Variants in GPC6 observed in about 807,000 individuals in gnomAD.
The protein encoded by GPC6 is glypican 6, also known as glypican-6.
In GPC6, 14 loss-of-function variants were observed where a neutral mutation model predicts 55.2. That is an observed-to-expected ratio of 0.25 (90% CI 0.17 to 0.40). The LOEUF is 0.40. Among genes scored for constraint, GPC6 ranks in the 10% least tolerant of loss-of-function variants. The pLI is 1.00. For synonymous variants in GPC6, 278 were observed against 259.6 expected (o/e 1.07, Z -0.68); for missense variants, 641 against 708.5 (o/e 0.90, Z 1.08).
intron 4 of GPC6, among the ~76,000 whole-genome samples, chr13:94,160,715 A>G (rs1328148747): frequency 6.6e-6 from 1 of 152,194 alleles, no homozygotes; most frequent in Non-Finnish European, 1.5e-5. Context: ...CTTGGTCTGG[A>G]TCCTACAAGT....
At chr13:93,976,915 C>T (rs973418413) in intron 3 of GPC6, among the ~76,000 whole-genome samples, 3 of 152,054 alleles carry the variant, frequency 2.0e-5, no homozygotes, top group African/African-American at 7.2e-5. Flanking sequence ...AAATCAGAAA[C>T]AGCATAAGAA....
intron 1 of GPC6, among the ~76,000 whole-genome samples, chr13:93,293,293 C>T (rs184154345): frequency 2.0e-5 from 3 of 152,082 alleles, no homozygotes; most frequent in African/African-American, 4.8e-5. Context: ...AAAAAAATAA[C>T]CTCATATAGT....
At chr13:94,129,654 CG>C (rs1214738160) in intron 4 of GPC6, among the ~76,000 whole-genome samples, 2 of 152,062 alleles carry the variant, frequency 1.3e-5, no homozygotes, top group East Asian at 3.9e-4. Flanking sequence ...TCTGGGTCAT[CG>C]TTCTAACTTC....
At chr13:94,255,848 A>G (rs1329418610) in intron 4 of GPC6, among the ~76,000 whole-genome samples, 1 of 152,146 alleles carries the variant, frequency 6.6e-6, no homozygotes, top group African/African-American at 2.4e-5. Flanking sequence ...TCAACTTGTG[A>G]GGCCATTTGG....
intron 6 of GPC6, among the ~76,000 whole-genome samples, chr13:94,375,454 T>C (rs1327958559): frequency 2.0e-5 from 3 of 151,816 alleles, no homozygotes; most frequent in Non-Finnish European, 2.9e-5. Context: ...CTAGAAGAAA[T>C]GGATAAATTC....
At chr13:94,370,582 G>C (rs1410466800) in intron 6 of GPC6, among the ~76,000 whole-genome samples, 3 of 152,138 alleles carry the variant, frequency 2.0e-5, no homozygotes, top group Non-Finnish European at 4.4e-5. Flanking sequence ...AACTTTTTCT[G>C]AACTGTACTA....
intron 2 of GPC6, among the ~76,000 whole-genome samples, chr13:93,661,035 G>C (rs1490442673): frequency 6.6e-6 from 1 of 152,130 alleles, no homozygotes; most frequent in Non-Finnish European, 1.5e-5. Flanking sequence ...CAGCAAGGTA[G>C]CTGAAAAGAT....
chr13:93,958,452 A>G (rs1879612822), intron 3 of GPC6, among the ~76,000 whole-genome samples: 2 of 152,138 alleles, frequency 1.3e-5, no homozygotes, highest in Non-Finnish European at 1.5e-5. Context: ...TTGAGTAGGG[A>G]GTCCTTTTCC....
intron 5 of GPC6, among the ~76,000 whole-genome samples, chr13:94,300,000 A>T (rs1594145251): frequency 6.6e-6 from 1 of 152,308 alleles, no homozygotes; most frequent in East Asian, 1.9e-4. Context: ...CCCTTAAAAC[A>T]TCAAATCTAA....
intron 3 of GPC6, among the ~76,000 whole-genome samples, chr13:93,973,781 A>G (rs146547429): frequency 4.8e-4 from 73 of 152,282 alleles, no homozygotes; most frequent in African/African-American, 1.7e-3. Context: ...CGATTCTCCC[A>G]TCCAAAACTA....
intron 5 of GPC6, among the ~76,000 whole-genome samples, chr13:94,297,789 A>T (rs192279859): frequency 6.6e-6 from 1 of 152,300 alleles, no homozygotes; most frequent in East Asian, 1.9e-4. Context: ...GTTCAGTAGA[A>T]CCCAAAATTC....
intron 3 of GPC6, among the ~76,000 whole-genome samples, chr13:93,939,885 A>G (rs1878644758): frequency 6.6e-6 from 1 of 152,170 alleles, no homozygotes; most frequent in Admixed American, 6.5e-5. Flanking sequence ...GCTTTTTTTC[A>G]GACAGGGAAA....
chr13:93,441,587 A>T (rs934109206), intron 1 of GPC6, among the ~76,000 whole-genome samples: 17 of 151,980 alleles, frequency 1.1e-4, no homozygotes, highest in Non-Finnish European at 2.2e-4. Context: ...TAGATTCTGG[A>T]TATTAGCCCT....
intron 1 of GPC6, among the ~76,000 whole-genome samples, chr13:93,337,528 G>C (rs1880089903): frequency 6.6e-6 from 1 of 151,928 alleles, no homozygotes; most frequent in Non-Finnish European, 1.5e-5. Flanking sequence ...AAAATCAGAG[G>C]CACGAGATAT....
intron 3 of GPC6, among the ~76,000 whole-genome samples, chr13:93,872,425 A>G (rs1889157410): frequency 6.6e-6 from 1 of 152,048 alleles, no homozygotes. Context: ...TACTGCAAAT[A>G]TGGCTTAAAA....
chr13:94,392,477 G>A (rs2389094), intron 7 of GPC6, among the ~76,000 whole-genome samples: 83,762 of 139,728 alleles, frequency 0.6, 25,537 homozygotes, highest in African/African-American at 0.69. Flanking sequence ...GGCCCAGGCT[G>A]GAGTGCAATG....
At chr13:93,611,416 A>C (rs1878456241) in intron 2 of GPC6, among the ~76,000 whole-genome samples, 1 of 152,148 alleles carries the variant, frequency 6.6e-6, no homozygotes, top group South Asian at 2.1e-4. Context: ...AAGAAGAAGT[A>C]TATATATGTA....
chr13:93,633,736 G>A (rs1879580488), intron 2 of GPC6, among the ~76,000 whole-genome samples: 1 of 151,534 alleles, frequency 6.6e-6, no homozygotes, highest in South Asian at 2.1e-4. Context: ...TAGAAGGAAA[G>A]GGCAGAGACT....
At chr13:94,369,390 G>A (rs1879430076) in intron 6 of GPC6, among the ~76,000 whole-genome samples, 1 of 152,174 alleles carries the variant, frequency 6.6e-6, no homozygotes, top group Non-Finnish European at 1.5e-5. Flanking sequence ...GGCCTCCTGT[G>A]GGTAGGTAGA....
Sources: gnomAD v4.1 joint callset for allele counts (sites outside exome capture counted in the v4.1 genomes callset) on GRCh38, gnomAD v4.1.1 for gene constraint, MANE v1.5 for transcripts, NCBI Gene and HGNC (gene_info 2026-07-23, HGNC 2026-07-21) for gene names.